Variants in BCKDHB observed in about 807,000 individuals in gnomAD.
BCKDHB encodes the protein branched chain keto acid dehydrogenase E1 subunit beta, also known as 2-oxoisovalerate dehydrogenase subunit beta, mitochondrial.
Under a neutral mutation model 48.5 loss-of-function variants are expected in BCKDHB, and 41 were observed. That is an observed-to-expected ratio of 0.85 (90% CI 0.66 to 1.10). The LOEUF is 1.10. Among genes scored for constraint, BCKDHB ranks in the 50% least tolerant of loss-of-function variants. BCKDHB has a pLI of 0.00. For synonymous variants in BCKDHB, 201 were observed against 174.8 expected (o/e 1.15, Z -1.18); for missense variants, 496 against 494.2 (o/e 1.00, Z -0.03).
the BCKDHB span, among the ~76,000 whole-genome samples, chr6:80,444,720 A>T: frequency 6.6e-6 from 1 of 152,200 alleles, no homozygotes; most frequent in African/African-American, 2.4e-5. Context: ...AACAATTTTT[A>T]AAATGTCTTG....
At chr6:80,182,664 AT>A (rs1773466501) in intron 6 of BCKDHB, among the ~76,000 whole-genome samples, 1 of 152,154 alleles carries the variant, frequency 6.6e-6, no homozygotes, top group Non-Finnish European at 1.5e-5. Flanking sequence ...TTACATACAT[AT>A]GTGAATATAT....
rs908883560 is a variant in BCKDHB at position 80,118,595 on chromosome 6, G to C, written c.197-8952G>C. On this transcript the variant is annotated intron_variant, in intron 1 of 9. Transcript: ENST00000320393. ...TCCTTTCATGACAGATTTCTCTGTAGCATGAGATGCCGTTTGATAGCATTT... is the reference window on the plus strand; with the variant it reads ...TCCTTTCATGACAGATTTCTCTGTACCATGAGATGCCGTTTGATAGCATTT... Among the ~76,000 whole-genome samples the C allele has an allele frequency of 2.6e-5, 4 of 151,610 alleles. No individual in the cohort carries two copies. In the South Asian group the frequency reaches 6.2e-4, roughly 24 times the overall value.
downstream of BCKDHB, among the ~76,000 whole-genome samples, chr6:80,348,828 C>T (rs1293210694): frequency 6.6e-6 from 1 of 152,052 alleles, no homozygotes; most frequent in Non-Finnish European, 1.5e-5. Flanking sequence ...AAACTTGGGC[C>T]ATCAGGTTTG....
At chr6:80,205,834 GTA>G (rs1562135500) in intron 8 of BCKDHB, among the ~76,000 whole-genome samples, 8 of 129,966 alleles carry the variant, frequency 6.2e-5, no homozygotes, top group African/African-American at 1.9e-4. Context: ...GTGTGTGTGT[GTA>G]GGTGGATTGG....
the BCKDHB span, among the ~76,000 whole-genome samples, chr6:80,399,915 T>G: frequency 1.3e-5 from 2 of 151,940 alleles, no homozygotes; most frequent in African/African-American, 4.8e-5. Flanking sequence ...ATAGAGAGCC[T>G]ATAAATAAAG....
chr6:80,165,666 C>T (rs559953668), intron 3 of BCKDHB, among the ~76,000 whole-genome samples: 42 of 152,138 alleles, frequency 2.8e-4, no homozygotes, highest in African/African-American at 7.2e-4. Flanking sequence ...GGTGGTGAAA[C>T]GTCAAGTGAG....
At chr6:80,411,871 C>T in the BCKDHB span, among the ~76,000 whole-genome samples, 1 of 152,234 alleles carries the variant, frequency 6.6e-6, no homozygotes, top group Non-Finnish European at 1.5e-5. Context: ...GTCACAGCTT[C>T]CTTGGTTAGG....
downstream of BCKDHB, among the ~76,000 whole-genome samples, chr6:80,346,685 T>C (rs1770215552): frequency 6.6e-6 from 1 of 152,158 alleles, no homozygotes; most frequent in African/African-American, 2.4e-5. Context: ...TTTATATTAT[T>C]ACTTGGATAA....
At chr6:80,436,408 C>T in the BCKDHB span, among the ~76,000 whole-genome samples, 7 of 151,890 alleles carry the variant, frequency 4.6e-5, no homozygotes, top group Admixed American at 2.0e-4. Flanking sequence ...GTGATCCACC[C>T]GCCTTGGCCT....
chr6:80,449,537 C>T, the BCKDHB span, among the ~76,000 whole-genome samples: 29 of 152,210 alleles, frequency 1.9e-4, 1 homozygote, highest in East Asian at 3.5e-3. Context: ...GTCGAGGAGA[C>T]GTTAACTTGT....
chr6:80,393,309 CA>C, the BCKDHB span, among the ~76,000 whole-genome samples: 1 of 152,068 alleles, frequency 6.6e-6, no homozygotes, highest in Non-Finnish European at 1.5e-5. Flanking sequence ...TGTGTCCCTC[CA>C]AAATTCATAT....
At chr6:80,111,854 C>CT (rs1324161703) in intron 1 of BCKDHB, among the ~76,000 whole-genome samples, 1 of 152,142 alleles carries the variant, frequency 6.6e-6, no homozygotes, top group African/African-American at 2.4e-5. Flanking sequence ...CCTACTTAGT[C>CT]TACCCGGGGG....
intron 8 of BCKDHB, among the ~76,000 whole-genome samples, chr6:80,214,939 A>G (rs1019360506): frequency 5.3e-5 from 8 of 152,310 alleles, no homozygotes; most frequent in African/African-American, 1.9e-4. Flanking sequence ...TGGGTTTAAA[A>G]TTATTCTTGT....
At chr6:80,464,594 A>G in the BCKDHB span, among the ~76,000 whole-genome samples, 67 of 152,312 alleles carry the variant, frequency 4.4e-4, no homozygotes, top group African/African-American at 1.5e-3. Context: ...GTCTTGCCCA[A>G]TGGAGGCCAT....
intron 6 of BCKDHB, among the ~76,000 whole-genome samples, chr6:80,193,325 TACTC>T (rs928103303): frequency 4.6e-5 from 7 of 152,320 alleles, no homozygotes; most frequent in African/African-American, 9.6e-5. Context: ...TTTTCAGTGT[TACTC>T]AGTGATAATA....
chr6:80,319,481 C>T (rs1768603021), intron 9 of BCKDHB, among the ~76,000 whole-genome samples: 1 of 152,184 alleles, frequency 6.6e-6, no homozygotes, highest in Admixed American at 6.6e-5. Context: ...CATCACTTTT[C>T]TGACATCATC....
chr6:80,332,869 T>C (rs540854420), intron 9 of BCKDHB, among the ~76,000 whole-genome samples: 1 of 151,932 alleles, frequency 6.6e-6, no homozygotes, highest in African/African-American at 2.4e-5. Context: ...AATCAGAAAG[T>C]TCCACCCATG....
chr6:80,314,359 T>C (rs1768327555), intron 9 of BCKDHB, among the ~76,000 whole-genome samples: 2 of 152,182 alleles, frequency 1.3e-5, no homozygotes, highest in Non-Finnish European at 2.9e-5. Context: ...CAGCTGTACT[T>C]TACTGAGGAC....
chr6:80,287,167 A>G (rs1373775549), intron 9 of BCKDHB, among the ~76,000 whole-genome samples: 2 of 152,168 alleles, frequency 1.3e-5, no homozygotes. Flanking sequence ...GGAAGCTTGC[A>G]TAGAGTCAGA....
Sources: allele counts gnomAD v4.1 joint callset (sites outside exome capture counted in the v4.1 genomes callset), GRCh38; gene constraint gnomAD v4.1.1; transcripts MANE v1.5; gene names NCBI Gene and HGNC (gene_info 2026-07-23, HGNC 2026-07-21).